ERBB4: variants seen among roughly 807,000 people sequenced by gnomAD.
ERBB4 encodes the protein erb-b2 receptor tyrosine kinase 4, also known as receptor tyrosine-protein kinase erbB-4.
Under a neutral mutation model 158.0 loss-of-function variants are expected in ERBB4, and 42 were observed. That is an observed-to-expected ratio of 0.27 (90% CI 0.21 to 0.34). The LOEUF (loss-of-function observed/expected upper bound fraction) is 0.34. Among genes scored for constraint, ERBB4 ranks in the 10% least tolerant of loss-of-function variants. ERBB4 has a pLI of 1.00. For missense variants in ERBB4, 1,333 were observed against 1,624.1 expected, an observed-to-expected ratio of 0.82 and a Z score of 3.08; for synonymous variants, 583 against 558.7, an observed-to-expected ratio of 1.04 and a Z score of -0.61.
chr2:212,365,744 A>T (rs2089864734), intron 1 of ERBB4, among the ~76,000 whole-genome samples: 1 of 151,880 alleles, frequency 6.6e-6, no homozygotes, highest in Non-Finnish European at 1.5e-5. Flanking sequence ...ATATTTGTTC[A>T]TCTACAAATC....
chr2:211,810,112 A>G (rs1453850007), intron 3 of ERBB4, among the ~76,000 whole-genome samples: 6 of 152,154 alleles, frequency 3.9e-5, no homozygotes, highest in African/African-American at 1.2e-4. Context: ...ACTTCCAACT[A>G]TGTGGTCAAT....
intron 1 of ERBB4, among the ~76,000 whole-genome samples, chr2:212,359,430 T>C (rs1473724072): frequency 6.6e-6 from 1 of 150,888 alleles, no homozygotes; most frequent in East Asian, 1.9e-4. Context: ...AATCAACCAA[T>C]AAAATCTATT....
intron 2 of ERBB4, among the ~76,000 whole-genome samples, chr2:212,055,765 A>C (rs2077544561): frequency 6.6e-6 from 1 of 152,254 alleles, no homozygotes; most frequent in African/African-American, 2.4e-5. Context: ...ATCCACACCA[A>C]AACCCCATCT....
intron 2 of ERBB4, among the ~76,000 whole-genome samples, chr2:211,992,253 G>T (rs2082090646): frequency 6.6e-6 from 1 of 152,054 alleles, no homozygotes; most frequent in South Asian, 2.1e-4. Flanking sequence ...GGCTTAGGAG[G>T]CCCCAGAATC....
At chr2:212,092,154 G>C (rs989191232) in intron 2 of ERBB4, among the ~76,000 whole-genome samples, 1 of 152,146 alleles carries the variant, frequency 6.6e-6, no homozygotes, top group Admixed American at 6.6e-5. Context: ...TGATCATTGT[G>C]TGTACATAAT....
chr2:212,247,747 T>A (rs1453456257), intron 1 of ERBB4, among the ~76,000 whole-genome samples: 1 of 152,162 alleles, frequency 6.6e-6, no homozygotes, highest in Non-Finnish European at 1.5e-5. Context: ...ACAGATCGCT[T>A]GAGGTCAGGA....
At chr2:211,955,770 T>C (rs747582635) in intron 2 of ERBB4, among the ~76,000 whole-genome samples, 1 of 152,142 alleles carries the variant, frequency 6.6e-6, no homozygotes, top group Non-Finnish European at 1.5e-5. Context: ...TACTTACTTG[T>C]CCATCTATAA....
chr2:211,830,824 T>C (rs1348739291), intron 3 of ERBB4, among the ~76,000 whole-genome samples: 1 of 152,146 alleles, frequency 6.6e-6, no homozygotes, highest in Non-Finnish European at 1.5e-5. Context: ...ATTATATTTT[T>C]ATTAATCTTG....
intron 1 of ERBB4, among the ~76,000 whole-genome samples, chr2:212,297,493 G>A (rs1007063467): frequency 6.6e-6 from 1 of 151,828 alleles, no homozygotes; most frequent in South Asian, 2.1e-4. Context: ...GGTCATAAAT[G>A]TTATAACACT....
chr2:212,032,309 C>G (rs2076921861), intron 2 of ERBB4, among the ~76,000 whole-genome samples: 2 of 152,064 alleles, frequency 1.3e-5, no homozygotes, highest in South Asian at 4.1e-4. Context: ...ACTGAAAAAA[C>G]ATCAAATGTA....
chr2:212,077,179 T>G (rs2078300481), intron 2 of ERBB4, among the ~76,000 whole-genome samples: 1 of 152,054 alleles, frequency 6.6e-6, no homozygotes, highest in African/African-American at 2.4e-5. Flanking sequence ...AGACTTGTTA[T>G]GGTACATACG....
intron 3 of ERBB4, among the ~76,000 whole-genome samples, chr2:211,867,023 C>CAAAAA (rs1559592690): frequency 4.1e-4 from 8 of 19,450 alleles, no homozygotes; most frequent in Admixed American, 1.3e-3. Flanking sequence ...TTCCTTAAAA[C>CAAAAA]CAAAAAAAAA....
At chr2:211,565,652 C>A (rs912782465) in intron 19 of ERBB4, among the ~76,000 whole-genome samples, 1 of 152,116 alleles carries the variant, frequency 6.6e-6, no homozygotes, top group Non-Finnish European at 1.5e-5. Context: ...CTGTTGAGTT[C>A]AGCTGTGCCT....
chr2:211,657,958 C>T (rs1007066848), intron 15 of ERBB4, 130 bp from the exon 16 acceptor site: 3 of 1,605,992 alleles, frequency 1.9e-6, no homozygotes, highest in Admixed American at 3.3e-5. Context: ...ACCTATCCAT[C>T]AGGCCGATGC....
intron 1 of ERBB4, among the ~76,000 whole-genome samples, chr2:212,493,446 G>C (rs546479082): frequency 6.6e-6 from 1 of 151,336 alleles, no homozygotes; most frequent in South Asian, 2.1e-4. Flanking sequence ...ATTATGATAT[G>C]GTAAATATTG....
chr2:212,014,851 C>T (rs2125313851), intron 2 of ERBB4, among the ~76,000 whole-genome samples: 1 of 151,204 alleles, frequency 6.6e-6, no homozygotes, highest in South Asian at 2.1e-4. Context: ...CTTGTGCACC[C>T]TTTATTGGCA....
At chr2:212,316,681 A>G (rs2087296021) in intron 1 of ERBB4, among the ~76,000 whole-genome samples, 1 of 151,478 alleles carries the variant, frequency 6.6e-6, no homozygotes, top group Non-Finnish European at 1.5e-5. Flanking sequence ...GTATGGTGTC[A>G]GTTGAGAGAC....
intron 3 of ERBB4, among the ~76,000 whole-genome samples, chr2:211,857,159 T>TGTG (rs1559580743): frequency 2.8e-5 from 3 of 107,078 alleles, no homozygotes; most frequent in African/African-American, 9.3e-5. Context: ...CTGTGTGTGT[T>TGTG]TGTGTGTGTG....
rs758568408 is a variant in ERBB4 at position 211,907,121 on chromosome 2, A to G, written c.421+40309T>C. On this transcript the variant is annotated intron_variant, in intron 3 of 27. Coordinates refer to ENST00000342788, the MANE Select transcript of ERBB4 (RefSeq NM_005235.3). The stretch of plus-strand genomic sequence containing the variant: ...ATTAACTGATACATTTCTTAAGTCA[A>G]TATATCTTGGGGTCTCTTTTTAACA... Among the ~76,000 whole-genome samples, 130 of 151,936 alleles carry G rather than the reference A, an allele frequency of 8.6e-4. 3 individuals carry two copies. Among genetic ancestry groups the G allele is most frequent in the Non-Finnish European group, 2.6e-4 (18 of 67,978 alleles).
Sources: gnomAD v4.1 joint callset for allele counts (sites outside exome capture counted in the v4.1 genomes callset) on GRCh38, gnomAD v4.1.1 for gene constraint, MANE v1.5 for transcripts, NCBI Gene and HGNC (gene_info 2026-07-23, HGNC 2026-07-21) for gene names.